PTPN11: variants seen among roughly 807,000 people sequenced by gnomAD.
The protein encoded by PTPN11 is protein tyrosine phosphatase non-receptor type 11, also known as tyrosine-protein phosphatase non-receptor type 11.
In PTPN11, 6 loss-of-function variants were observed where a neutral mutation model predicts 78.8. The ratio of observed to expected loss-of-function variants is 0.08; its 90% CI spans 0.04 to 0.15. The LOEUF is 0.15. Ranked by LOEUF, PTPN11 falls within the 10% of genes least tolerant of loss-of-function variation. PTPN11 has a pLI of 1.00. For missense variants in PTPN11, 386 were observed against 744.8 expected (o/e 0.52, Z 5.61); for synonymous variants, 221 against 263.5 (o/e 0.84, Z 1.56).
At chr12:112,495,888 C>A (rs754301605) in intron 13 of PTPN11, among the ~76,000 whole-genome samples, 4 of 151,960 alleles carry the variant, frequency 2.6e-5, no homozygotes, top group East Asian at 1.9e-4. Flanking sequence ...ATCATAAAAT[C>A]AAAAAAACCA....
At chr12:112,419,241 G>A (rs1392674215) in intron 1 of PTPN11, 116 bp downstream of exon 1, 1 of 1,142,076 alleles carries the variant, frequency 8.8e-7, no homozygotes, top group Non-Finnish European at 1.1e-6. Flanking sequence ...CCGGGTCGGG[G>A]TTGGGGGCCG....
rs186280715 is a variant in PTPN11, at chr12:112,488,986, G to C, written c.1448-38G>C. On this transcript the variant is annotated intron_variant, in intron 12 of 15. Transcript: ENST00000351677. ...CATTAAACAACTTCATCCTGGCTCT[G>C]CAGTTTCTCTTTATTCTTCATGATG... The C allele has an allele frequency of 1.2e-4, 200 of 1,611,618 alleles. No individual in the cohort carries two copies. In the African/African-American group the frequency reaches 2.3e-3, roughly 18 times the overall value.
chr12:112,454,520 C>G (rs1429788298), intron 4 of PTPN11, 44 bp from the exon 5 acceptor site: 1 of 1,416,696 alleles, frequency 7.1e-7, no homozygotes, highest in Admixed American at 1.7e-5. Context: ...ACTAATGTAA[C>G]ATAAAGGTAA....
At chr12:112,480,605 T>G (rs1426570241) in intron 9 of PTPN11, among the ~76,000 whole-genome samples, 2 of 152,196 alleles carry the variant, frequency 1.3e-5, no homozygotes, top group African/African-American at 4.8e-5. Flanking sequence ...CCTCAAGTGA[T>G]CCACCCGGCT....
At chr12:112,469,503 G>A (rs1466034131) in intron 6 of PTPN11, among the ~76,000 whole-genome samples, 1 of 151,922 alleles carries the variant, frequency 6.6e-6, no homozygotes, top group African/African-American at 2.4e-5. Context: ...GCAAGTAAGG[G>A]CAATTTCTTT....
At chr12:112,481,501 C>CT (rs200793005) in intron 9 of PTPN11, among the ~76,000 whole-genome samples, 8 of 146,502 alleles carry the variant, frequency 5.5e-5, no homozygotes, top group South Asian at 2.2e-4. Flanking sequence ...TGAACTCTTC[C>CT]TTTTTTTTTG....
chr12:112,440,676 T>A (rs1323076338), intron 1 of PTPN11, among the ~76,000 whole-genome samples: 1 of 143,054 alleles, frequency 7.0e-6, no homozygotes, highest in Non-Finnish European at 1.5e-5. Flanking sequence ...CGGGTTCAAG[T>A]GATTCTCCTG....
chr12:112,435,666 T>A (rs75146303), intron 1 of PTPN11, among the ~76,000 whole-genome samples: 14 of 150,402 alleles, frequency 9.3e-5, no homozygotes, highest in South Asian at 8.4e-4. Flanking sequence ...TTTTTTTTTT[T>A]AAATACTACA....
chr12:112,432,642 C>A (rs2037729896), intron 1 of PTPN11, among the ~76,000 whole-genome samples: 2 of 141,344 alleles, frequency 1.4e-5, no homozygotes, highest in African/African-American at 2.6e-5. Context: ...GCACTCCCAT[C>A]TAGATGACAA....
intron 1 of PTPN11, among the ~76,000 whole-genome samples, chr12:112,438,682 C>G (rs890651250): frequency 6.6e-6 from 1 of 152,140 alleles, no homozygotes; most frequent in Non-Finnish European, 1.5e-5. Flanking sequence ...AGGGTTTCAC[C>G]ATGTTGGCTA....
intron 13 of PTPN11, among the ~76,000 whole-genome samples, chr12:112,490,777 A>G (rs913827833): frequency 3.0e-4 from 46 of 152,292 alleles, no homozygotes; most frequent in African/African-American, 1.0e-3. Flanking sequence ...TGTAGGCTTC[A>G]ATTATTTATT....
chr12:112,446,614 T>C (rs1463888282), intron 2 of PTPN11, among the ~76,000 whole-genome samples: 1 of 152,110 alleles, frequency 6.6e-6, no homozygotes, highest in Non-Finnish European at 1.5e-5. Flanking sequence ...GGAAGGTGAG[T>C]TGGAGCAGGT....
intron 1 of PTPN11, among the ~76,000 whole-genome samples, chr12:112,444,163 A>G (rs1283930852): frequency 6.6e-6 from 1 of 152,164 alleles, no homozygotes; most frequent in African/African-American, 2.4e-5. Context: ...GGCTTAGTTC[A>G]CTTAGAATGT....
chr12:112,449,112 G>A (rs1014915198), intron 2 of PTPN11, among the ~76,000 whole-genome samples: 1 of 151,020 alleles, frequency 6.6e-6, no homozygotes, highest in African/African-American at 2.4e-5. Context: ...GTATCGGTCT[G>A]CTGACCTCAG....
intron 1 of PTPN11, among the ~76,000 whole-genome samples, chr12:112,436,318 T>A (rs1459595112): frequency 6.6e-6 from 1 of 152,234 alleles, no homozygotes; most frequent in Non-Finnish European, 1.5e-5. Flanking sequence ...TAGTTTTAAA[T>A]GCTTTATATG....
chr12:112,507,957 T>C lies in PTPN11; in HGVS notation c.*2165T>C, dbSNP rs192434262. On this transcript the variant is annotated 3_prime_UTR_variant, in exon 16 of 16. Transcript: ENST00000351677. ...TAAAGAAAAAGATTCCAGTTCAGTATTTGCAGCAAGAAGCTTGAATGCTGT... is the reference window on the plus strand; with the variant it reads ...TAAAGAAAAAGATTCCAGTTCAGTACTTGCAGCAAGAAGCTTGAATGCTGT... 9 of 152,810 alleles carry C rather than the reference T, an allele frequency of 5.9e-5. No individual in the cohort carries two copies. The highest frequency in any genetic ancestry group is 3.9e-4 in the Admixed American group (6 of 15,310). The allele number at this position is 152,810 out of a possible 1,614,324, so 9.5% of individuals were successfully genotyped here. A position where few individuals can be genotyped will look rare whatever the true frequency, so the allele number is the denominator to read the frequency against.
rs1012155255 is a variant in PTPN11 at position 112,482,840 on chromosome 12, G to C, written c.1224+635G>C. On this transcript the variant is annotated intron_variant, in intron 10 of 15. Transcript: ENST00000351677. The surrounding 1 kb of genome is among the most constrained non-coding windows in gnomAD (Gnocchi z 4.4). ...GTAGAGGTTTGAGTCTGAGCGGACA[G>C]TGGTGCTGTGGCAGACACCACAAAA... Among the ~76,000 whole-genome samples, 1 of 152,222 alleles carries C rather than the reference G, an allele frequency of 6.6e-6. No individual in the cohort carries two copies. The highest frequency in any genetic ancestry group is 2.4e-5 in the African/African-American group (1 of 41,458).
intron 13 of PTPN11, 72 bp downstream of exon 13, chr12:112,489,247 G>A: frequency 1.3e-6 from 2 of 1,559,246 alleles, no homozygotes; most frequent in South Asian, 2.2e-5. Flanking sequence ...CTCCTTTTGA[G>A]CAGGAGGACA....
At chr12:112,447,078 A>G (rs2038004368) in intron 2 of PTPN11, among the ~76,000 whole-genome samples, 2 of 151,972 alleles carry the variant, frequency 1.3e-5, no homozygotes, top group Non-Finnish European at 2.9e-5. Context: ...TGTATTACCA[A>G]GGCTGATCTT....
Sources: allele counts gnomAD v4.1 joint callset (sites outside exome capture counted in the v4.1 genomes callset), GRCh38; gene constraint gnomAD v4.1.1; non-coding constraint Gnocchi (gnomAD v3.1); transcripts MANE v1.5; gene names NCBI Gene and HGNC (gene_info 2026-07-23, HGNC 2026-07-21).